CYP2A6: variants seen among roughly 807,000 people sequenced by gnomAD.
CYP2A6 encodes the protein cytochrome P450 family 2 subfamily A member 6.
Under a neutral mutation model 42.3 loss-of-function variants are expected in CYP2A6, and 27 were observed. The observed-to-expected ratio is 0.64, with a 90% CI of 0.47 to 0.88. The LOEUF (loss-of-function observed/expected upper bound fraction) is 0.88. Ranked by LOEUF, CYP2A6 falls within the 40% of genes least tolerant of loss-of-function variation. CYP2A6 has a pLI of 0.00. For synonymous variants in CYP2A6, 238 were observed against 246.3 expected (o/e 0.97, Z 0.31); for missense variants, 628 against 646.0 (o/e 0.97, Z 0.30).
chr19:40,847,096 G>A (rs752717202), intron 4 of CYP2A6, 45 bp from the exon 5 acceptor site: 21 of 1,597,626 alleles, frequency 1.3e-5, no homozygotes, highest in African/African-American at 5.4e-5. Flanking sequence ...CAGCTGTCAC[G>A]GGGCAGGAGC....
intron 6 of CYP2A6, 147 bp from the exon 7 acceptor site, chr19:40,845,628 G>A (rs998437102): frequency 6.8e-5 from 93 of 1,367,400 alleles, no homozygotes; most frequent in African/African-American, 4.4e-4. Flanking sequence ...TCAGCCATTC[G>A]CATTGTTGGA....
At position 40,843,721 on chromosome 19, in the gene CYP2A6, C is replaced by T. The variant is rs28399473; in HGVS notation, c.*75G>A. On this transcript the variant is annotated 3_prime_UTR_variant, in exon 9 of 9. Transcript: ENST00000301141. ...TCCTGCCCCCAGTCTTAGCTGCGCCCCTCTCCCAAGCCCGGTCTTGGCCCT... is the reference window on the plus strand; with the variant it reads ...TCCTGCCCCCAGTCTTAGCTGCGCCTCTCTCCCAAGCCCGGTCTTGGCCCT... 5.9e-6 allele frequency: 8 copies of T among 1,367,262 alleles called. 2 individuals are homozygous for T. Among genetic ancestry groups the T allele is most frequent in the East Asian group, 3.6e-5 (1 of 27,946 alleles). 84.7% of individuals were successfully genotyped at this position (1,367,262 alleles called of 1,614,324 possible).
intron 7 of CYP2A6, chr19:40,844,999 AC>A (rs2083448548): frequency 1.5e-6 from 1 of 661,510 alleles, no homozygotes; most frequent in Non-Finnish European, 2.5e-6. Flanking sequence ...AGTTTGGGGG[AC>A]CTGAGATTTC....
chr19:40,845,003 G>C (rs2083448560), intron 7 of CYP2A6: 4 of 659,480 alleles, frequency 6.1e-6, no homozygotes, highest in African/African-American at 1.8e-5. Flanking sequence ...TGGGGGACCT[G>C]AGATTTCTGT....
chr19:40,844,655 C>T lies in CYP2A6; in HGVS notation c.1279G>A (p.Asp427Asn). Residue 427 changes from aspartate (D) to asparagine (N), a missense_variant, in exon 8 of 9, where the codon GAT becomes AAT. This residue lies in a region of CYP2A6 where 606 missense variants were observed against 568.1 expected (regional missense o/e 1.07). Transcript: ENST00000301141. ...CCGATGGAAAAGGGCACAAAAGCAT[C>T]ACTCTTCTTAAACTGCCCCTTCTCA... The part of the protein sequence containing the change: ...LNEKGQFKKS[D>N]AFVPFSIGKR... The T allele has an allele frequency of 6.2e-6, 10 of 1,611,682 alleles. No homozygotes were observed. The highest frequency in any genetic ancestry group is 8.5e-6 in the Non-Finnish European group (10 of 1,179,876).
At position 40,844,863 on chromosome 19, in the gene CYP2A6, G is replaced by C. The variant is rs1177977681; in HGVS notation, c.1162-91C>G. 4.7e-6 allele frequency: 7 copies of C among 1,489,916 alleles called. 1 individual carries two copies. In the East Asian group the frequency reaches 1.7e-4, roughly 37 times the overall value. 92.3% of individuals were successfully genotyped at this position (1,489,916 alleles called of 1,614,324 possible). A position where few individuals can be genotyped will look rare whatever the true frequency, so the allele number is the denominator to read the frequency against. ...CTGGAGGGGGAACTAGTGTGCCCCAGGTAAGGGGAAGTGGCAGGCATGGAG... is the reference window on the plus strand; with the variant it reads ...CTGGAGGGGGAACTAGTGTGCCCCACGTAAGGGGAAGTGGCAGGCATGGAG... On this transcript the variant is annotated intron_variant, in intron 7 of 8. Coordinates refer to ENST00000301141, the MANE Select transcript of CYP2A6 (RefSeq NM_000762.6).
Position 40,844,709 on chromosome 19 carries a change from G to A in CYP2A6, c.1225C>T (p.Gln409Ter). ...LRDPSFFSNPQDFNPQHFLNE... is the reference protein window; with the variant it reads ...LRDPSFFSNP Reference sequence around the variant, plus strand: ...AGGAAGTGCTGGGGATTGAAGTCCTGGGGGTTGGAGAAGAAACTGGGGTCT... The same window carrying A: ...AGGAAGTGCTGGGGATTGAAGTCCTAGGGGTTGGAGAAGAAACTGGGGTCT... Residue 409 changes from glutamine (Q) to a stop codon, truncating the protein, a stop_gained, in exon 8 of 9, where the codon CAG (glutamine) becomes TAG (stop). Coordinates refer to ENST00000301141, the MANE Select transcript of CYP2A6 (RefSeq NM_000762.6). LOFTEE classifies it high-confidence loss of function. 1 of 1,611,724 alleles carries A rather than the reference G, an allele frequency of 6.2e-7. No homozygotes were observed. The highest frequency in any genetic ancestry group is 1.1e-5 in the South Asian group (1 of 90,912).
intron 7 of CYP2A6, chr19:40,845,050 G>C: frequency 1.5e-6 from 1 of 655,000 alleles, no homozygotes; most frequent in South Asian, 2.1e-5. Context: ...GGGGGCTTCT[G>C]TTTCTTAAGA....
At chr19:40,845,893 C>T in intron 6 of CYP2A6, 63 bp downstream of exon 6, 2 of 1,583,252 alleles carry the variant, frequency 1.3e-6, no homozygotes, top group East Asian at 2.3e-5. Context: ...GGGGACATTG[C>T]ACCAGTCGAA....
chr19:40,844,485 A>G (rs1358643898), intron 8 of CYP2A6, 146 bp downstream of exon 8: 26 of 1,379,368 alleles, frequency 1.9e-5, no homozygotes, highest in Middle Eastern at 2.5e-4. Flanking sequence ...GTAGTTAAGG[A>G]AGTATCAGCT....
intron 6 of CYP2A6, 55 bp from the exon 7 acceptor site, chr19:40,845,536 G>A (rs1471610096): frequency 6.3e-7 from 1 of 1,599,422 alleles, no homozygotes; most frequent in Non-Finnish European, 8.5e-7. Flanking sequence ...AGCAGGAAAT[G>A]ATAGTCCGAA....
Position 40,849,215 on chromosome 19 carries a change from T to A in CYP2A6, c.344-452A>T, listed in dbSNP as rs148948768. ...GAAGGAAGTGGGGAGAGAAAGAGAGTGATGGAGGAAGAGGATGGAGGGAGG... is the reference window on the plus strand; with the variant it reads ...GAAGGAAGTGGGGAGAGAAAGAGAGAGATGGAGGAAGAGGATGGAGGGAGG... On this transcript the variant is annotated intron_variant, in intron 2 of 8. Transcript: ENST00000301141. 3.1e-3 allele frequency among the ~76,000 whole-genome samples: 427 copies of A among 136,554 alleles called. 10 individuals are homozygous for A. Among genetic ancestry groups the A allele is most frequent in the East Asian group, 0.017 (71 of 4,248 alleles). The allele number at this position is 136,554 out of a possible 152,430, so 89.6% of individuals were successfully genotyped here.
intron 4 of CYP2A6, 124 bp downstream of exon 4, chr19:40,848,095 C>T (rs1568515393): frequency 7.2e-6 from 11 of 1,518,290 alleles, no homozygotes; most frequent in Non-Finnish European, 9.8e-6. Context: ...TGTCCAATAT[C>T]GGGGACTGAT....
rs1193510304 is a variant in CYP2A6 at position 40,849,021 on chromosome 19, G to GGAGAGAGAGAGAGAGAGA, written c.344-259_344-258insTCTCTCTCTCTCTCTCTC. 5.8e-4 allele frequency among the ~76,000 whole-genome samples: 29 copies of GGAGAGAGAGAGAGAGAGA among 50,116 alleles called. 4 individuals are homozygous for GGAGAGAGAGAGAGAGAGA. Among genetic ancestry groups the GGAGAGAGAGAGAGAGAGA allele is most frequent in the South Asian group, 8.1e-4 (1 of 1,240 alleles). 32.9% of individuals were successfully genotyped at this position (50,116 alleles called of 152,430 possible). On this transcript the variant is annotated intron_variant, in intron 2 of 8. Transcript: ENST00000301141. ...GAGAGAGAGAGAGAGAAGAGAGAGA[G>GGAGAGAGAGAGAGAGAGA]GAGAGAGAGAGAGAAGAGAGAGAGG...
At chr19:40,849,008 G>GA (rs1967163232) in intron 2 of CYP2A6, among the ~76,000 whole-genome samples, 4 of 80,548 alleles carry the variant, frequency 5.0e-5, no homozygotes, top group African/African-American at 1.9e-4. Context: ...GAGAGAGAGA[G>GA]AGAAGAGAGA....
intron 7 of CYP2A6, 72 bp downstream of exon 7, chr19:40,845,222 G>A (rs766817886): frequency 1.3e-6 from 2 of 1,589,866 alleles, no homozygotes; most frequent in Non-Finnish European, 1.7e-6. Context: ...AGCTTCTAAT[G>A]TGGGTGGGAT....
rs56314118 is a variant in CYP2A6, at chr19:40,844,725, A to C, written c.1209T>G (p.Ser403Arg). The C allele has an allele frequency of 1.2e-4, 187 of 1,611,494 alleles. 5 individuals carry two copies. The highest frequency in any genetic ancestry group is 5.3e-4 in the East Asian group (23 of 43,396). ...TGAAGTCCTGGGGGTTGGAGAAGAA[A>C]CTGGGGTCTCTCAGCACAGAGCCCA... ...PMLGSVLRDPSFFSNPQDFNP... is the reference protein window; with the variant it reads ...PMLGSVLRDPRFFSNPQDFNP... The change falls in exon 8 of 9, where the codon AGT (serine) becomes AGG (arginine). Residue 403 changes from serine to arginine, a missense_variant. Around this residue, in one of 2 missense-constraint regions of CYP2A6, gnomAD observed 606 missense variants for 568.1 expected, o/e 1.07. Coordinates refer to ENST00000301141, the MANE Select transcript of CYP2A6 (RefSeq NM_000762.6).
chr19:40,848,968 G>GA (rs1278557080), intron 2 of CYP2A6, among the ~76,000 whole-genome samples: 10 of 115,224 alleles, frequency 8.7e-5, no homozygotes, highest in African/African-American at 1.8e-4. Context: ...GAGAGAGAGA[G>GA]AGAGAGAGAA....
chr19:40,848,806 C>T, intron 2 of CYP2A6, 43 bp from the exon 3 acceptor site: 1 of 1,578,724 alleles, frequency 6.3e-7, no homozygotes, highest in Non-Finnish European at 8.6e-7. Context: ...CAGGGGGCGG[C>T]AGGGGCAGGA....
Sources: allele counts gnomAD v4.1 joint callset (sites outside exome capture counted in the v4.1 genomes callset), GRCh38; gene constraint gnomAD v4.1.1; regional missense constraint gnomAD v4.1.1; transcripts MANE v1.5; gene names NCBI Gene and HGNC (gene_info 2026-07-23, HGNC 2026-07-21).